ADGRL2: variants seen among roughly 807,000 people sequenced by gnomAD.
The protein encoded by ADGRL2 is adhesion G protein-coupled receptor L2.
Under a neutral mutation model 157.4 loss-of-function variants are expected in ADGRL2, and 44 were observed. That is an observed-to-expected ratio of 0.28 (90% CI 0.22 to 0.36). The LOEUF is 0.36. Among genes scored for constraint, ADGRL2 ranks in the 10% least tolerant of loss-of-function variants. ADGRL2 has a pLI of 1.00. For synonymous variants in ADGRL2, 585 were observed against 624.7 expected, an observed-to-expected ratio of 0.94 and a Z score of 0.95; for missense variants, 1,510 against 1,768.9, an observed-to-expected ratio of 0.85 and a Z score of 2.63.
chr1:81,635,537 C>T (rs2082098921), intron 3 of ADGRL2, among the ~76,000 whole-genome samples: 1 of 152,188 alleles, frequency 6.6e-6, no homozygotes, highest in Non-Finnish European at 1.5e-5. Context: ...AGTCAAGGGT[C>T]AACGTGCAGA....
intron 3 of ADGRL2, among the ~76,000 whole-genome samples, chr1:81,590,352 T>C (rs2081107792): frequency 6.6e-6 from 1 of 152,134 alleles, no homozygotes; most frequent in Non-Finnish European, 1.5e-5. Flanking sequence ...TCTTGCCCTT[T>C]CACATAGTAA....
At chr1:81,758,193 C>T (rs1367764407) in intron 1 of ADGRL2, among the ~76,000 whole-genome samples, 1 of 152,094 alleles carries the variant, frequency 6.6e-6, no homozygotes, top group Non-Finnish European at 1.5e-5. Flanking sequence ...GCTCTGGGCC[C>T]TTAATTGAGC....
chr1:81,847,012 G>C (rs971792260), intron 2 of ADGRL2, among the ~76,000 whole-genome samples: 1 of 148,172 alleles, frequency 6.7e-6, no homozygotes, highest in Non-Finnish European at 1.5e-5. Flanking sequence ...CAGTTTTCTT[G>C]TTTGGTTGCT....
rs542763598 is a variant in ADGRL2, at chr1:81,836,877, T to C, written c.-100-8T>C. 1 of 645,280 alleles carries C rather than the reference T, an allele frequency of 1.5e-6. No homozygotes were observed. The highest frequency in any genetic ancestry group is 3.2e-5 in the Admixed American group (1 of 31,074). 40.0% of individuals were successfully genotyped at this position (645,280 alleles called of 1,614,324 possible). A position where few individuals can be genotyped will look rare whatever the true frequency, so the allele number is the denominator to read the frequency against. On this transcript the variant is annotated splice_region_variant and splice_polypyrimidine_tract_variant and intron_variant, in intron 1 of 23. Transcript: ENST00000686636. ...ATAGAGTAAGTGATGGATTTGTTTG[T>C]TTTTCAGATATGAAGATCAATGATG... is the stretch of plus-strand genomic sequence containing the variant.
chr1:81,530,335 T>TTTA lies in ADGRL2; in HGVS notation c.-247-50526_-247-50524dup, dbSNP rs576849227. Reference sequence around the variant, plus strand: ...ACAAATTCAAAAGTATTCCTGTGATTTTATTATTATTATTATTTGTATTTT... The same window carrying TTTA: ...ACAAATTCAAAAGTATTCCTGTGATTTTATTATTATTATTATTATTTGTATTTT... On this transcript the variant is annotated intron_variant, in intron 2 of 24. Transcript: ENST00000370721. 3.6e-4 allele frequency among the ~76,000 whole-genome samples: 55 copies of TTTA among 152,066 alleles called. No homozygotes were observed. In the East Asian group the frequency reaches 7.4e-3, roughly 20 times the overall value.
At chr1:81,308,135 G>C (rs1282377604) in intron 1 of ADGRL2, among the ~76,000 whole-genome samples, 3 of 152,090 alleles carry the variant, frequency 2.0e-5, no homozygotes, top group Non-Finnish European at 4.4e-5. Context: ...TGAGAGAAGA[G>C]GAATTTGACT....
chr1:81,722,225 G>A (rs1205246512), intron 1 of ADGRL2: 5 of 380,802 alleles, frequency 1.3e-5, no homozygotes, highest in Non-Finnish European at 2.5e-5. Flanking sequence ...CCCGGGAGGC[G>A]GAGCTTGCAG....
Position 81,991,107 on chromosome 1 carries a change from G to C in ADGRL2, c.4372G>C (p.Val1458Leu). ...NKEGCIPEGD[V>L]REGQMQLVTS... ...AGAAGGGTGTATTCCAGAAGGAGAT[G>C]TTAGAGAAGGACAAATGCAGCTGGT... Residue 1458 changes from valine to leucine, a missense_variant, in exon 24 of 24, where the codon GTT becomes CTT. Transcript: ENST00000686636. 6.2e-7 allele frequency: 1 copy of C among 1,610,238 alleles called. No individual in the cohort carries two copies. Among genetic ancestry groups the C allele is most frequent in the Non-Finnish European group, 8.5e-7 (1 of 1,177,566 alleles).
At chr1:81,403,496 C>T (rs890510509) in intron 1 of ADGRL2, among the ~76,000 whole-genome samples, 1 of 152,008 alleles carries the variant, frequency 6.6e-6, no homozygotes, top group Non-Finnish European at 1.5e-5. Context: ...GAACTCCTGA[C>T]CTCAGGTGAT....
rs530716778 is a variant in ADGRL2 at position 81,592,778 on chromosome 1, G to A, written c.-143+11798G>A. ...GCCCTTATAGTATGTGTGTAGGTGT[G>A]GGGAAGGAGGTGTAGGGGTGGGGAA... On this transcript the variant is annotated intron_variant, in intron 3 of 24. Transcript: ENST00000370721. Among the ~76,000 whole-genome samples the A allele has an allele frequency of 4.6e-5, 7 of 152,140 alleles. No homozygotes were observed. In the South Asian group the frequency reaches 1.5e-3, roughly 32 times the overall value.
chr1:81,701,954 T>C (rs2083588077), intron 1 of ADGRL2, among the ~76,000 whole-genome samples: 1 of 152,222 alleles, frequency 6.6e-6, no homozygotes, highest in African/African-American at 2.4e-5. Context: ...CTTGAATCTA[T>C]GGCCTTCCAT....
chr1:81,913,207 A>G (rs1340906350), intron 3 of ADGRL2, among the ~76,000 whole-genome samples: 1 of 152,170 alleles, frequency 6.6e-6, no homozygotes, highest in Non-Finnish European at 1.5e-5. Flanking sequence ...ATCCTAACCT[A>G]TTATCTCTAA....
chr1:81,976,593 T>C (rs2149391083), intron 17 of ADGRL2, among the ~76,000 whole-genome samples: 1 of 152,136 alleles, frequency 6.6e-6, no homozygotes, highest in Admixed American at 6.6e-5. Flanking sequence ...TTAAGTATGT[T>C]AGAAACAGCT....
At chr1:81,390,353 G>A (rs1347741391) in intron 1 of ADGRL2, among the ~76,000 whole-genome samples, 3 of 152,310 alleles carry the variant, frequency 2.0e-5, no homozygotes, top group Non-Finnish European at 4.4e-5. Flanking sequence ...AAACTTGGGA[G>A]AGCTGCAGAA....
At chr1:81,448,668 G>A (rs1204698112) in intron 2 of ADGRL2, among the ~76,000 whole-genome samples, 3 of 151,614 alleles carry the variant, frequency 2.0e-5, no homozygotes, top group South Asian at 2.1e-4. Flanking sequence ...GGGCAACATG[G>A]AAAAACTCTG....
At chr1:81,764,157 A>T (rs965402525) in intron 2 of ADGRL2, among the ~76,000 whole-genome samples, 5 of 144,346 alleles carry the variant, frequency 3.5e-5, no homozygotes, top group African/African-American at 1.3e-4. Flanking sequence ...GCACCACTGC[A>T]CTCCAGCTTG....
intron 2 of ADGRL2, among the ~76,000 whole-genome samples, chr1:81,564,948 G>A (rs775296607): frequency 3.3e-5 from 5 of 152,178 alleles, no homozygotes; most frequent in Non-Finnish European, 5.9e-5. Context: ...CTCCAGCACT[G>A]CCTGAGAGAA....
intron 1 of ADGRL2, among the ~76,000 whole-genome samples, chr1:81,726,276 C>T (rs2084525619): frequency 1.3e-5 from 2 of 152,160 alleles, no homozygotes; most frequent in East Asian, 1.9e-4. Flanking sequence ...TTGGGTCATA[C>T]ATCCTTCCCT....
chr1:81,574,293 T>C (rs11800016), intron 2 of ADGRL2, among the ~76,000 whole-genome samples: 1 of 152,016 alleles, frequency 6.6e-6, no homozygotes, highest in Admixed American at 6.6e-5. Flanking sequence ...AATCAGAGAT[T>C]GGTGACTGAC....
Sources: gnomAD v4.1 joint callset for allele counts (sites outside exome capture counted in the v4.1 genomes callset) on GRCh38, gnomAD v4.1.1 for gene constraint, MANE v1.5 for transcripts, NCBI Gene and HGNC (gene_info 2026-07-23, HGNC 2026-07-21) for gene names.